CTNND2: variants seen among roughly 807,000 people sequenced by gnomAD.
The protein encoded by CTNND2 is catenin delta-2.
Under a neutral mutation model 144.4 loss-of-function variants are expected in CTNND2, and 22 were observed. The ratio of observed to expected loss-of-function variants is 0.15; its 90% confidence interval spans 0.11 to 0.22. CTNND2 has a LOEUF of 0.22. Ranked by LOEUF, CTNND2 falls within the 10% of genes least tolerant of loss-of-function variation. The probability of loss-of-function intolerance (pLI) is 1.00; values close to 1 mark genes in which losing one functional copy is unlikely to be tolerated. For synonymous variants in CTNND2, 751 were observed against 695.6 expected, an observed-to-expected ratio of 1.08 and a Z score of -1.25; for missense variants, 1,353 against 1,618.8, an observed-to-expected ratio of 0.84 and a Z score of 2.82.
chr5:11,167,256 A>G (rs1175842173), intron 11 of CTNND2, among the ~76,000 whole-genome samples: 1 of 152,220 alleles, frequency 6.6e-6, no homozygotes, highest in East Asian at 1.9e-4. Context: ...CTCTCATTCT[A>G]CAGTTGCCAC....
intron 2 of CTNND2, among the ~76,000 whole-genome samples, chr5:11,614,940 G>A (rs1780511212): frequency 6.6e-6 from 1 of 152,130 alleles, no homozygotes; most frequent in African/African-American, 2.4e-5. Flanking sequence ...TATACATATA[G>A]CAATTAAAAT....
chr5:11,617,891 G>A (rs752156229), intron 2 of CTNND2, among the ~76,000 whole-genome samples: 1 of 152,170 alleles, frequency 6.6e-6, no homozygotes, highest in Non-Finnish European at 1.5e-5. Flanking sequence ...TAAAGTAGGT[G>A]TGTTTGACTG....
intron 2 of CTNND2, among the ~76,000 whole-genome samples, chr5:11,621,905 C>G (rs1025526118): frequency 1.3e-5 from 2 of 152,206 alleles, no homozygotes; most frequent in African/African-American, 4.8e-5. Context: ...AAGCACTTTC[C>G]TTCCCTTGTC....
chr5:11,025,861 T>G (rs749150957), intron 16 of CTNND2, among the ~76,000 whole-genome samples: 3 of 152,196 alleles, frequency 2.0e-5, no homozygotes, highest in Non-Finnish European at 2.9e-5. Context: ...TCTTGATTCC[T>G]CTCCTTCTAC....
chr5:11,904,242 G>T lies in CTNND2; in HGVS notation c.-389C>A, dbSNP rs895416734. On this transcript the variant is annotated 5_prime_UTR_variant, in exon 1 of 22. Coordinates refer to ENST00000304623, the MANE Select transcript of CTNND2 (RefSeq NM_001332.4). The surrounding 1 kb of genome is among the most constrained non-coding windows in gnomAD (Gnocchi z 4.2). ...TCGCCGCGGGCGCGAGCCTGGGGCC[G>T]CCGCGGCGCCCGGCGCCGAGCGCTC... Among the ~76,000 whole-genome samples the T allele has an allele frequency of 6.9e-6, 1 of 145,606 alleles. No individual in the cohort carries two copies. The highest frequency in any genetic ancestry group is 1.5e-5 in the Non-Finnish European group (1 of 65,576).
chr5:11,297,582 G>A (rs1749153804), intron 9 of CTNND2, among the ~76,000 whole-genome samples: 1 of 152,038 alleles, frequency 6.6e-6, no homozygotes, highest in Admixed American at 6.6e-5. Context: ...ATACTTAAAG[G>A]AGATATTAAA....
intron 3 of CTNND2, among the ~76,000 whole-genome samples, chr5:11,542,820 G>A (rs982528970): frequency 6.6e-6 from 1 of 152,126 alleles, no homozygotes; most frequent in African/African-American, 2.4e-5. Context: ...GCTTTACGTG[G>A]GTCCCCCAAA....
chr5:11,534,894 A>G (rs1774072001), intron 3 of CTNND2, among the ~76,000 whole-genome samples: 1 of 152,120 alleles, frequency 6.6e-6, no homozygotes, highest in Non-Finnish European at 1.5e-5. Flanking sequence ...AAACACTTCA[A>G]AAAAAGATTT....
chr5:11,301,307 G>C (rs371384958), intron 9 of CTNND2, among the ~76,000 whole-genome samples: 12 of 152,030 alleles, frequency 7.9e-5, no homozygotes, highest in African/African-American at 2.9e-4. Context: ...ATGAGCCACC[G>C]CGCCCGGCCC....
At chr5:11,820,720 T>C (rs1344849307) in intron 1 of CTNND2, among the ~76,000 whole-genome samples, 3 of 152,204 alleles carry the variant, frequency 2.0e-5, no homozygotes, top group African/African-American at 7.2e-5. Context: ...CTCCTGTTAA[T>C]GGGGAACTCA....
intron 1 of CTNND2, among the ~76,000 whole-genome samples, chr5:11,872,073 C>G (rs1735179550): frequency 1.3e-5 from 2 of 151,902 alleles, no homozygotes; most frequent in African/African-American, 4.8e-5. Context: ...GTGATGTTCC[C>G]CTCCCTGTGT....
At chr5:11,228,696 T>C (rs544570922) in intron 10 of CTNND2, among the ~76,000 whole-genome samples, 1 of 152,122 alleles carries the variant, frequency 6.6e-6, no homozygotes, top group Admixed American at 6.5e-5. Context: ...ATGTTGCTGA[T>C]GCCGGTCTCC....
At chr5:11,663,307 A>T (rs1468776676) in intron 2 of CTNND2, among the ~76,000 whole-genome samples, 1 of 152,202 alleles carries the variant, frequency 6.6e-6, no homozygotes, top group Non-Finnish European at 1.5e-5. Flanking sequence ...AAATTTTCCC[A>T]TTAAAGAGAA....
chr5:10,974,436 A>G (rs1736199275), intron 21 of CTNND2, among the ~76,000 whole-genome samples: 1 of 152,218 alleles, frequency 6.6e-6, no homozygotes, highest in Non-Finnish European at 1.5e-5. Flanking sequence ...ACCACATTTT[A>G]TTTATCCATT....
intron 3 of CTNND2, among the ~76,000 whole-genome samples, chr5:11,495,015 T>C (rs1353495928): frequency 1.3e-5 from 2 of 152,152 alleles, no homozygotes; most frequent in African/African-American, 4.8e-5. Flanking sequence ...CCTCACTGCT[T>C]GACTTACAAG....
chr5:11,525,610 C>G (rs1773172780), intron 3 of CTNND2, among the ~76,000 whole-genome samples: 1 of 152,188 alleles, frequency 6.6e-6, no homozygotes, highest in African/African-American at 2.4e-5. Context: ...TGTCCAACAC[C>G]ACAAGTAAGT....
intron 12 of CTNND2, among the ~76,000 whole-genome samples, chr5:11,148,145 C>T (rs2400029): frequency 0.49 from 74,745 of 151,930 alleles, 18,605 homozygotes; most frequent in Admixed American, 0.56. Flanking sequence ...AGAGCACAGA[C>T]TGGTAATTGC....
chr5:11,234,380 A>G, intron 10 of CTNND2, among the ~76,000 whole-genome samples: 1 of 152,236 alleles, frequency 6.6e-6, no homozygotes. Flanking sequence ...AAGTCATTTA[A>G]TTCTTGCAAA....
intron 3 of CTNND2, among the ~76,000 whole-genome samples, chr5:11,544,972 A>T (rs1446748256): frequency 6.6e-6 from 1 of 152,082 alleles, no homozygotes; most frequent in African/African-American, 2.4e-5. Context: ...TTACAAAAAA[A>T]TTAGCCGGGT....
Sources: allele counts gnomAD v4.1 joint callset (sites outside exome capture counted in the v4.1 genomes callset), GRCh38; gene constraint gnomAD v4.1.1; non-coding constraint Gnocchi (gnomAD v3.1); transcripts MANE v1.5; gene names NCBI Gene and HGNC (gene_info 2026-07-23, HGNC 2026-07-21).